Variants in CALD1 observed in about 807,000 individuals in gnomAD.
CALD1 encodes caldesmon 1, also known as caldesmon.
A neutral mutation model predicts 99.9 loss-of-function variants in CALD1; 33 were observed. That is an observed-to-expected ratio of 0.33 (90% confidence interval 0.25 to 0.44). The LOEUF (loss-of-function observed/expected upper bound fraction) is 0.44. Among genes scored for constraint, CALD1 ranks in the 20% least tolerant of loss-of-function variants. The pLI is 1.00. For missense variants in CALD1, 861 were observed against 962.1 expected, an observed-to-expected ratio of 0.89 and a Z score of 1.39; for synonymous variants, 310 against 325.0, an observed-to-expected ratio of 0.95 and a Z score of 0.50.
At position 134,933,294 on chromosome 7, in the gene CALD1, T is replaced by C. The variant is rs759433638; in HGVS notation, c.525T>C (p.Asn175=). The C allele has an allele frequency of 1.9e-6, 3 of 1,585,450 alleles. No individual in the cohort carries two copies. Among genetic ancestry groups the C allele is most frequent in the Non-Finnish European group, 2.6e-6 (3 of 1,170,538 alleles). Residue 175 remains asparagine (N), a synonymous_variant, in exon 5 of 15, where the codon AAT becomes AAC. Transcript: ENST00000361675. The part of the protein sequence containing the change: ...TETVTKSYQK[N]DWRDAEENKK... Reference sequence around the variant, plus strand: ...CAGTCACCAAGTCCTACCAGAAGAATGATTGGAGGGATGCTGAAGAAAACA... The same window carrying C: ...CAGTCACCAAGTCCTACCAGAAGAACGATTGGAGGGATGCTGAAGAAAACA...
At chr7:134,848,187 T>A (rs184975328) in intron 2 of CALD1, among the ~76,000 whole-genome samples, 153 of 152,234 alleles carry the variant, frequency 1.0e-3, no homozygotes, top group African/African-American at 3.4e-3. Context: ...GATTTTTTTT[T>A]AATAGACGTT....
At chr7:134,798,418 C>T (rs1289746255) in intron 1 of CALD1, among the ~76,000 whole-genome samples, 1 of 152,200 alleles carries the variant, frequency 6.6e-6, no homozygotes, top group Admixed American at 6.5e-5. Context: ...TGGTAATATC[C>T]AGCATCACAC....
At chr7:134,961,530 A>G (rs1297765478) in intron 13 of CALD1, 2 of 152,184 alleles carry the variant, frequency 1.3e-5, no homozygotes, top group African/African-American at 2.4e-5. Flanking sequence ...TCCATATATA[A>G]TCTCCAAAGT....
chr7:134,730,437 A>G, the CALD1 span, among the ~76,000 whole-genome samples: 1 of 152,102 alleles, frequency 6.6e-6, no homozygotes, highest in Admixed American at 6.5e-5. Context: ...CAACTTCCCA[A>G]TTCTTTCATC....
At chr7:134,799,717 C>A (rs1797875134) in intron 1 of CALD1, among the ~76,000 whole-genome samples, 3 of 152,062 alleles carry the variant, frequency 2.0e-5, no homozygotes, top group African/African-American at 7.2e-5. Flanking sequence ...TATAAAGAGA[C>A]CCTGCTTCAC....
At chr7:134,919,578 C>G (rs1158892094) in intron 3 of CALD1, among the ~76,000 whole-genome samples, 1 of 152,050 alleles carries the variant, frequency 6.6e-6, no homozygotes, top group Non-Finnish European at 1.5e-5. Context: ...ATTGAGAGCC[C>G]AAGTATGGTT....
At chr7:134,739,905 T>TTTTTTTTTTTTTTTTTTTTG, upstream of CALD1, among the ~76,000 whole-genome samples, 1 of 151,366 alleles carries the variant, frequency 6.6e-6, no homozygotes, top group East Asian at 1.9e-4. Context: ...ATTTTATTCT[T>TTTTTTTTTTTTTTTTTTTTG]AAGTCACCTA....
chr7:134,927,891 T>C (rs939590388), intron 3 of CALD1, among the ~76,000 whole-genome samples: 1 of 148,306 alleles, frequency 6.7e-6, no homozygotes, highest in South Asian at 2.1e-4. Context: ...ATTTATTATT[T>C]AATATAATAT....
intron 11 of CALD1, among the ~76,000 whole-genome samples, chr7:134,959,390 G>A (rs1322804653): frequency 6.6e-6 from 1 of 152,120 alleles, no homozygotes; most frequent in Admixed American, 6.5e-5. Context: ...GTATTGTTGA[G>A]GCCAAGTGTG....
chr7:134,864,718 CTT>C (rs1800727539), intron 2 of CALD1, among the ~76,000 whole-genome samples: 1 of 152,184 alleles, frequency 6.6e-6, no homozygotes, highest in Non-Finnish European at 1.5e-5. Flanking sequence ...TTAACACTGA[CTT>C]ATTTCTTAAT....
At chr7:134,897,395 T>C (rs1802654011) in intron 3 of CALD1, among the ~76,000 whole-genome samples, 1 of 148,252 alleles carries the variant, frequency 6.7e-6, no homozygotes, top group Admixed American at 6.8e-5. Context: ...TATAAATATA[T>C]ATATATATAT....
At chr7:134,736,299 G>A in the CALD1 span, among the ~76,000 whole-genome samples, 75 of 121,854 alleles carry the variant, frequency 6.2e-4, no homozygotes, top group Non-Finnish European at 6.5e-4. Flanking sequence ...GAGGCTTGAG[G>A]TCAGTGGGAG....
chr7:134,891,376 T>C, intron 3 of CALD1: 1 of 1,250,002 alleles, frequency 8.0e-7, no homozygotes, highest in Admixed American at 3.8e-5. Flanking sequence ...AACAATCAGC[T>C]CTCTGATGAT....
At chr7:134,812,779 C>T (rs1021286809) in intron 1 of CALD1, among the ~76,000 whole-genome samples, 2 of 152,096 alleles carry the variant, frequency 1.3e-5, no homozygotes, top group African/African-American at 4.8e-5. Context: ...GTTGGATATA[C>T]AAGTCTGGGG....
chr7:134,792,359 G>A (rs1021027003), intron 1 of CALD1, among the ~76,000 whole-genome samples: 4 of 144,532 alleles, frequency 2.8e-5, no homozygotes, highest in African/African-American at 7.8e-5. Context: ...GTGCCATCTC[G>A]ACTCACTGCA....
Position 134,968,687 on chromosome 7 carries a change from T to C in CALD1, c.*342T>C, listed in dbSNP as rs968367472. On this transcript the variant is annotated 3_prime_UTR_variant, in exon 15 of 15. Transcript: ENST00000361675. The stretch of plus-strand genomic sequence containing the variant: ...TCCAAGTTTAAAATTGCCTGCGGAA[T>C]GTGTGCAGTATCTAGAAAAATGAAC... 1.3e-4 allele frequency: 66 copies of C among 521,782 alleles called. No homozygotes were observed. In the Admixed American group the frequency reaches 1.6e-3, roughly 13 times the overall value. 32.3% of individuals were successfully genotyped at this position (521,782 alleles called of 1,614,324 possible). A position where few individuals can be genotyped will look rare whatever the true frequency, so the allele number is the denominator to read the frequency against.
At chr7:134,843,815 A>C (rs1306465434) in intron 1 of CALD1, 69 bp from the exon 2 acceptor site, 4 of 152,224 alleles carry the variant, frequency 2.6e-5, no homozygotes, top group Non-Finnish European at 5.9e-5. Flanking sequence ...ATGATATTTG[A>C]AAATATATAG....
chr7:134,887,947 C>T (rs935093016), intron 3 of CALD1, among the ~76,000 whole-genome samples: 2 of 152,212 alleles, frequency 1.3e-5, no homozygotes, highest in African/African-American at 4.8e-5. Flanking sequence ...CCACATACCT[C>T]TCTTCCCTAG....
chr7:134,942,534 C>A (rs1806532871), intron 7 of CALD1, among the ~76,000 whole-genome samples: 1 of 151,972 alleles, frequency 6.6e-6, no homozygotes, highest in South Asian at 2.1e-4. Flanking sequence ...CTTGGGATTG[C>A]CAAGAGAATA....
Sources: allele counts gnomAD v4.1 joint callset (sites outside exome capture counted in the v4.1 genomes callset), GRCh38; gene constraint gnomAD v4.1.1; transcripts MANE v1.5; gene names NCBI Gene and HGNC (gene_info 2026-07-23, HGNC 2026-07-21).